The following TUBA3E variants were observed in gnomAD, a reference collection of about 807,000 sequenced individuals.
TUBA3E encodes tubulin alpha 3e, also known as tubulin alpha-3E chain.
A neutral mutation model predicts 36.7 loss-of-function variants in TUBA3E; 21 were observed. The observed-to-expected ratio is 0.57, with a 90% CI of 0.41 to 0.83. The LOEUF (loss-of-function observed/expected upper bound fraction) is 0.83, where lower values mean the gene tolerates loss of function less well. Among genes scored for constraint, TUBA3E ranks in the 40% least tolerant of loss-of-function variants. The pLI, the probability that TUBA3E is intolerant of heterozygous loss-of-function variation, is 0.00. For synonymous variants in TUBA3E, 177 were observed against 241.9 expected (o/e 0.73, Z 2.49); for missense variants, 469 against 604.2 (o/e 0.78, Z 2.35).
intron 4 of TUBA3E, 144 bp from the exon 5 acceptor site, chr2:130,192,271 G>T: frequency 7.8e-7 from 1 of 1,289,902 alleles, no homozygotes; most frequent in Non-Finnish European, 1.0e-6. Flanking sequence ...GCCCTTCTCT[G>T]CACCAGGCAG....
At chr2:130,192,169 C>T (rs1690280627) in intron 4 of TUBA3E, 42 bp from the exon 5 acceptor site, 1 of 1,562,490 alleles carries the variant, frequency 6.4e-7, no homozygotes, top group Non-Finnish European at 8.7e-7. Flanking sequence ...AAGCTTATAT[C>T]AAACCTAGAA....
At position 130,191,795 on chromosome 2, in the gene TUBA3E, T is replaced by C. The variant is rs1690264254; in HGVS notation, c.*36A>G. 1.9e-6 allele frequency: 3 copies of C among 1,587,090 alleles called. No individual in the cohort carries two copies. The highest frequency in any genetic ancestry group is 2.2e-5 in the East Asian group (1 of 44,664). ...GCAAACAACTTGAAAGCAGCCATCC[T>C]AGGGGTGGCAGGGGAGAACCCACCA... On this transcript the variant is annotated 3_prime_UTR_variant, in exon 5 of 5. Coordinates refer to ENST00000312988, the MANE Select transcript of TUBA3E (RefSeq NM_207312.3).
In TUBA3E at chr2:130,198,433, C is replaced by A; in HGVS notation, c.-73G>T. 3 of 1,344,910 alleles carry A rather than the reference C, an allele frequency of 2.2e-6. 1 individual carries two copies. In the South Asian group the frequency reaches 4.0e-5, roughly 18 times the overall value. 83.3% of individuals were successfully genotyped at this position (1,344,910 alleles called of 1,614,324 possible). On this transcript the variant is annotated 5_prime_UTR_variant, in exon 1 of 5. Coordinates refer to ENST00000312988, the MANE Select transcript of TUBA3E (RefSeq NM_207312.3). ...GCTGCCACAGCTGCTGAGCGCCCAA[C>A]TGCAATGACCTGCCCACGCGCGCCG...
chr2:130,197,288 A>G (rs1690430987), intron 1 of TUBA3E, among the ~76,000 whole-genome samples: 1 of 151,318 alleles, frequency 6.6e-6, no homozygotes, highest in Non-Finnish European at 1.5e-5. Context: ...CCAGTTTGAG[A>G]CCAGCCTGGG....
intron 1 of TUBA3E, among the ~76,000 whole-genome samples, chr2:130,196,605 C>T (rs1257632954): frequency 6.6e-6 from 1 of 152,194 alleles, no homozygotes; most frequent in Non-Finnish European, 1.5e-5. Flanking sequence ...TTTGCCACTA[C>T]ACAAAACTTA....
intron 4 of TUBA3E, among the ~76,000 whole-genome samples, chr2:130,192,618 C>T (rs1056082160): frequency 8.5e-5 from 13 of 152,198 alleles, no homozygotes; most frequent in African/African-American, 3.1e-4. Flanking sequence ...ATGAATGCTG[C>T]TACCACAGCA....
In TUBA3E at chr2:130,193,939, C is replaced by T. The variant is rs759262422; in HGVS notation, c.903G>A (p.Gln301=). The T allele has an allele frequency of 1.1e-4, 172 of 1,613,908 alleles. No homozygotes were observed. The highest frequency in any genetic ancestry group is 5.0e-4 in the Middle Eastern group (3 of 6,058). Residue 301 remains glutamine, a synonymous_variant, in exon 4 of 5, where the codon CAG becomes CAA. Transcript: ENST00000312988. Reference sequence around the variant, plus strand: ...CATGGCGAGGGTCACACTTGACCATCTGATTGGCTGGCTCGAAGCAGGCAT... The same window carrying T: ...CATGGCGAGGGTCACACTTGACCATTTGATTGGCTGGCTCGAAGCAGGCAT... The part of the protein sequence containing the change: ...ITNACFEPAN[Q]MVKCDPRHGK...
Position 130,196,358 on chromosome 2 carries a change from G to C in TUBA3E, c.17C>G (p.Ser6Cys). 1.9e-6 allele frequency: 3 copies of C among 1,613,396 alleles called. No homozygotes were observed. In the South Asian group the frequency reaches 3.3e-5, roughly 18 times the overall value. Residue 6 changes from serine to cysteine, a missense_variant, in exon 2 of 5, where the codon TCT becomes TGT. By Grantham distance (112) the Ser-to-Cys change is moderately radical. Coordinates refer to ENST00000312988, the MANE Select transcript of TUBA3E (RefSeq NM_207312.3). MRECI[S>C]IHVGQAGVQI... ...GACACCCGCCTGCCCCACGTGGATA[G>C]AGATACACTCGCGCTGTGAACCGGA... is the stretch of plus-strand genomic sequence containing the variant.
At chr2:130,193,745 T>TCTG (rs1402517986) in intron 4 of TUBA3E, 41 bp downstream of exon 4, 13 of 1,567,914 alleles carry the variant, frequency 8.3e-6, no homozygotes, top group Non-Finnish European at 1.1e-5. Flanking sequence ...ATTTTGTGCA[T>TCTG]CTGCTGCTTG....
Position 130,194,079 on chromosome 2 carries a change from A to T in TUBA3E, c.763T>A (p.Phe255Ile). 6.2e-7 allele frequency: 1 copy of T among 1,614,182 alleles called. No individual in the cohort carries two copies. Among genetic ancestry groups the T allele is most frequent in the Non-Finnish European group, 8.5e-7 (1 of 1,180,028 alleles). ...GGGTACGGCACGAGGTTGGTCTGGA[A>T]TTCCGTCAAGTCCACATTCAGGGCC... Reference protein sequence around the residue: ...DGALNVDLTEFQTNLVPYPRI... With the variant: ...DGALNVDLTEIQTNLVPYPRI... The change falls in exon 4 of 5, where the codon TTC becomes ATC. Residue 255 changes from phenylalanine to isoleucine, a missense_variant. Physicochemically the swap from Phe to Ile is conservative, Grantham distance 21. Around this residue, in one of 3 missense-constraint regions of TUBA3E, gnomAD observed 296 missense variants for 346.9 expected, o/e 0.85. Coordinates refer to ENST00000312988, the MANE Select transcript of TUBA3E (RefSeq NM_207312.3).
At chr2:130,196,725 C>T (rs1241412405) in intron 1 of TUBA3E, among the ~76,000 whole-genome samples, 2 of 152,230 alleles carry the variant, frequency 1.3e-5, no homozygotes, top group Non-Finnish European at 2.9e-5. Context: ...ATGTCCTGAT[C>T]AAAGGATAAG....
Position 130,191,824 on chromosome 2 carries a change from C to T in TUBA3E, c.*7G>A. ...GGTGGCAGGGGAGAACCCACCACAC[C>T]CTCCCCTCAGTATGCTTCGCCTTCT... On this transcript the variant is annotated 3_prime_UTR_variant, in exon 5 of 5. Transcript: ENST00000312988. The T allele has an allele frequency of 2.5e-6, 4 of 1,590,134 alleles. No individual in the cohort carries two copies. The highest frequency in any genetic ancestry group is 3.4e-6 in the Non-Finnish European group (4 of 1,169,148).
rs758989528 is a variant in TUBA3E at position 130,192,016 on chromosome 2, G to A, written c.1168C>T (p.Arg390Cys). The A allele has an allele frequency of 1.3e-5, 21 of 1,614,056 alleles. No homozygotes were observed. Among genetic ancestry groups the A allele is most frequent in the African/African-American group, 5.3e-5 (4 of 74,986 alleles). Residue 390 changes from arginine (R) to cysteine (C), a missense_variant, in exon 5 of 5, where the codon CGC (arginine) becomes TGC (cysteine). Coordinates refer to ENST00000312988, the MANE Select transcript of TUBA3E (RefSeq NM_207312.3). ...ATGAGATCGAACTTATGGACCAGGC[G>A]GGCCCAGGCCTCCGCAATGGCCGTG... is the stretch of plus-strand genomic sequence containing the variant. ...NTTAIAEAWA[R>C]LVHKFDLMYA...
intron 4 of TUBA3E, among the ~76,000 whole-genome samples, 165 bp downstream of exon 4, chr2:130,193,621 A>T (rs2104749352): frequency 6.6e-6 from 1 of 152,162 alleles, no homozygotes; most frequent in Admixed American, 6.5e-5. Context: ...AAAAAAAAAA[A>T]AAAAAAATCA....
rs762362704 is a variant in TUBA3E at position 130,193,930 on chromosome 2, C to T, written c.912G>A (p.Lys304=). The change falls in exon 4 of 5, where the codon AAG becomes AAA. Residue 304 remains lysine, a synonymous_variant. Transcript: ENST00000312988. ...TGTACTTGCCATGGCGAGGGTCACA[C>T]TTGACCATCTGATTGGCTGGCTCGA... ...ACFEPANQMV[K]CDPRHGKYMA... is the part of the protein sequence containing the mutation. 1.9e-5 allele frequency: 30 copies of T among 1,614,122 alleles called. 1 individual carries two copies. Among genetic ancestry groups the T allele is most frequent in the Admixed American group, 8.3e-5 (5 of 60,008 alleles).
chr2:130,191,805 A>G lies in TUBA3E; in HGVS notation c.*26T>C. The G allele has an allele frequency of 6.3e-7, 1 of 1,586,722 alleles. No individual in the cohort carries two copies. Among genetic ancestry groups the G allele is most frequent in the Non-Finnish European group, 8.6e-7 (1 of 1,166,682 alleles). On this transcript the variant is annotated 3_prime_UTR_variant, in exon 5 of 5. Transcript: ENST00000312988. ...TGAAAGCAGCCATCCTAGGGGTGGC[A>G]GGGGAGAACCCACCACACCCTCCCC...
At chr2:130,197,574 C>T (rs186587233) in intron 1 of TUBA3E, among the ~76,000 whole-genome samples, 1,637 of 124,116 alleles carry the variant, frequency 0.013, 63 homozygotes, top group African/African-American at 0.044. Context: ...GCTATTCAGA[C>T]TTGGGACTTG....
intron 4 of TUBA3E, among the ~76,000 whole-genome samples, chr2:130,193,170 G>C (rs115410310): frequency 6.6e-6 from 1 of 151,544 alleles, no homozygotes; most frequent in Non-Finnish European, 1.5e-5. Context: ...TGAGAGAATC[G>C]CTAGAGTCTG....
In TUBA3E at chr2:130,192,086, T is replaced by C; in HGVS notation, c.1098A>G (p.Gly366=). The C allele has an allele frequency of 1.9e-6, 3 of 1,606,734 alleles. No homozygotes were observed. Among genetic ancestry groups the C allele is most frequent in the Non-Finnish European group, 2.5e-6 (3 of 1,176,518 alleles). The change falls in exon 5 of 5, where the codon GGA becomes GGG. Residue 366 remains glycine, a synonymous_variant. Coordinates refer to ENST00000312988, the MANE Select transcript of TUBA3E (RefSeq NM_207312.3). ...CGGCCCGCTGCACCTTGGCCAGGTC[T>C]CCCCCGGGGACCACTGTGGGGGGCT... ...NYQPPTVVPG[G]DLAKVQRAVC...
Sources: allele counts gnomAD v4.1 joint callset (sites outside exome capture counted in the v4.1 genomes callset), GRCh38; gene constraint gnomAD v4.1.1; regional missense constraint gnomAD v4.1.1; transcripts MANE v1.5; gene names NCBI Gene and HGNC (gene_info 2026-07-23, HGNC 2026-07-21).